The following DIS3L2 variants were observed in gnomAD, a reference collection of about 807,000 sequenced individuals.
DIS3L2 encodes the protein DIS3-like exonuclease 2.
A neutral mutation model predicts 97.5 loss-of-function variants in DIS3L2; 34 were observed. The ratio of observed to expected loss-of-function variants is 0.35; its 90% confidence interval spans 0.27 to 0.46. The LOEUF (loss-of-function observed/expected upper bound fraction) is 0.46, where lower values mean the gene tolerates loss of function less well. DIS3L2 is among the 20% of genes least tolerant of loss of function. The pLI, the probability that DIS3L2 is intolerant of heterozygous loss-of-function variation, is 1.00. For missense variants in DIS3L2, 1,038 were observed against 1,146.0 expected, an observed-to-expected ratio of 0.91 and a Z score of 1.36; for synonymous variants, 435 against 445.2, an observed-to-expected ratio of 0.98 and a Z score of 0.29.
At chr2:232,033,182 A>G (rs1694858042) in intron 5 of DIS3L2, among the ~76,000 whole-genome samples, 1 of 152,164 alleles carries the variant, frequency 6.6e-6, no homozygotes, top group Non-Finnish European at 1.5e-5. Context: ...TTCTCCTTGA[A>G]GAGGTCCTTC....
chr2:232,055,344 A>G (rs2106268802), intron 5 of DIS3L2, among the ~76,000 whole-genome samples: 1 of 152,352 alleles, frequency 6.6e-6, no homozygotes, highest in Admixed American at 6.5e-5. Context: ...AGGCTGCTAC[A>G]TACAAAGTCA....
chr2:232,096,671 A>C (rs192038418), intron 6 of DIS3L2, among the ~76,000 whole-genome samples: 6 of 151,864 alleles, frequency 4.0e-5, no homozygotes, highest in Non-Finnish European at 8.8e-5. Context: ...AACCTCACTA[A>C]TTCTTTGTTC....
chr2:232,273,987 C>G (rs1694074730), intron 13 of DIS3L2, among the ~76,000 whole-genome samples: 1 of 152,116 alleles, frequency 6.6e-6, no homozygotes, highest in South Asian at 2.1e-4. Flanking sequence ...GAGATAATTC[C>G]CATAAGACAG....
chr2:231,985,122 A>C (rs1693373703), intron 1 of DIS3L2, among the ~76,000 whole-genome samples: 3 of 152,056 alleles, frequency 2.0e-5, no homozygotes, highest in African/African-American at 7.2e-5. Context: ...TTTTGCTTTT[A>C]CTCATTTGTG....
intron 6 of DIS3L2, among the ~76,000 whole-genome samples, chr2:232,123,087 C>T (rs1292564710): frequency 6.6e-6 from 1 of 152,118 alleles, no homozygotes. Flanking sequence ...AAATTTTCCA[C>T]AACCCTCCCA....
chr2:232,185,981 CT>C (rs991931579), intron 9 of DIS3L2, among the ~76,000 whole-genome samples: 1 of 151,098 alleles, frequency 6.6e-6, no homozygotes, highest in Non-Finnish European at 1.5e-5. Flanking sequence ...AAAGCTGGTT[CT>C]TTTTTTTTAA....
chr2:232,183,919 C>T (rs1332498374), intron 9 of DIS3L2, among the ~76,000 whole-genome samples: 1 of 152,078 alleles, frequency 6.6e-6, no homozygotes, highest in African/African-American at 2.4e-5. Flanking sequence ...TCTTGCCACT[C>T]CAGTGACTGC....
intron 5 of DIS3L2, among the ~76,000 whole-genome samples, chr2:232,031,664 G>A (rs192390899): frequency 4.9e-4 from 74 of 151,596 alleles, no homozygotes; most frequent in African/African-American, 1.6e-3. Flanking sequence ...CGCACCCACC[G>A]ACAAGCCCCA....
At chr2:232,100,192 ATTTTTTT>A (rs10594218) in intron 6 of DIS3L2, among the ~76,000 whole-genome samples, 1 of 112,522 alleles carries the variant, frequency 8.9e-6, no homozygotes, top group Non-Finnish European at 1.8e-5. Flanking sequence ...CCCTGCTAAT[ATTTTTTT>A]TTTTTTTTTT....
chr2:232,189,934 GA>G (rs1167159524), intron 9 of DIS3L2, among the ~76,000 whole-genome samples: 1 of 152,210 alleles, frequency 6.6e-6, no homozygotes, highest in Non-Finnish European at 1.5e-5. Context: ...ATAAAGATGG[GA>G]AAGTAATATA....
intron 6 of DIS3L2, among the ~76,000 whole-genome samples, chr2:232,110,850 A>T (rs1271591822): frequency 2.0e-5 from 3 of 152,114 alleles, no homozygotes; most frequent in African/African-American, 7.2e-5. Flanking sequence ...ATGAATCTGC[A>T]CATCCTGCAC....
At chr2:232,013,583 A>G (rs1694272343) in intron 1 of DIS3L2, among the ~76,000 whole-genome samples, 1 of 152,156 alleles carries the variant, frequency 6.6e-6, no homozygotes, top group Non-Finnish European at 1.5e-5. Flanking sequence ...TGACCTGGAG[A>G]TACTCTTTCT....
chr2:231,976,263 T>G (rs1693088852), intron 1 of DIS3L2, among the ~76,000 whole-genome samples: 1 of 152,110 alleles, frequency 6.6e-6, no homozygotes, highest in Non-Finnish European at 1.5e-5. Context: ...AAAATTTCCT[T>G]TAATTCCCTA....
chr2:231,979,263 T>A (rs1046903318), intron 1 of DIS3L2, among the ~76,000 whole-genome samples: 5 of 152,056 alleles, frequency 3.3e-5, no homozygotes, highest in Non-Finnish European at 7.4e-5. Flanking sequence ...TTAATTTATT[T>A]TTTTATTTTG....
chr2:232,163,994 A>G (rs1436179109), intron 9 of DIS3L2, among the ~76,000 whole-genome samples: 5 of 152,180 alleles, frequency 3.3e-5, no homozygotes, highest in Non-Finnish European at 4.4e-5. Flanking sequence ...TTTTTGCCCT[A>G]CAACAGCCCA....
intron 6 of DIS3L2, among the ~76,000 whole-genome samples, chr2:232,116,170 TTAAATAAATAAATGAATAAATAAA>T (rs1200776708): frequency 1.9e-4 from 21 of 111,976 alleles, no homozygotes; most frequent in East Asian, 8.8e-4. Flanking sequence ...AGACTTGGTC[TTAAATAAATAAATGAATAAATAAA>T]TAAATAAATA....
intron 8 of DIS3L2, among the ~76,000 whole-genome samples, chr2:232,141,763 TGTG>T (rs894798412): frequency 7.9e-5 from 12 of 152,284 alleles, no homozygotes; most frequent in African/African-American, 2.4e-4. Context: ...CTTTTCACCT[TGTG>T]GTGGTTGTTA....
intron 12 of DIS3L2, among the ~76,000 whole-genome samples, chr2:232,255,861 T>G (rs1014733451): frequency 6.6e-6 from 1 of 152,200 alleles, no homozygotes; most frequent in Admixed American, 6.5e-5. Flanking sequence ...ACTTTGGTCT[T>G]TCTCTCATGC....
chr2:232,206,552 T>C (rs1464867189), intron 9 of DIS3L2, among the ~76,000 whole-genome samples: 1 of 152,252 alleles, frequency 6.6e-6, no homozygotes, highest in African/African-American at 2.4e-5. Context: ...TATTTTTTAG[T>C]CATTTAAACA....
Sources: allele counts gnomAD v4.1 joint callset (sites outside exome capture counted in the v4.1 genomes callset), GRCh38; gene constraint gnomAD v4.1.1; transcripts MANE v1.5; gene names NCBI Gene and HGNC (gene_info 2026-07-23, HGNC 2026-07-21).